Variants in GLIS3 observed in about 807,000 individuals in gnomAD.
The protein encoded by GLIS3 is GLIS family zinc finger 3, also known as zinc finger protein GLIS3.
Under a neutral mutation model 78.6 loss-of-function variants are expected in GLIS3, and 53 were observed. The ratio of observed to expected loss-of-function variants is 0.67; its 90% confidence interval spans 0.54 to 0.85. The LOEUF (loss-of-function observed/expected upper bound fraction) is 0.85. Among genes scored for constraint, GLIS3 ranks in the 40% least tolerant of loss-of-function variants. The probability of loss-of-function intolerance (pLI) is 0.00; values close to 1 mark genes in which losing one functional copy is unlikely to be tolerated. For synonymous variants in GLIS3, 684 were observed against 509.9 expected (o/e 1.34, Z -4.60); for missense variants, 1,703 against 1,231.1 (o/e 1.38, Z -5.74).
intron 2 of GLIS3, among the ~76,000 whole-genome samples, chr9:4,335,658 C>T (rs1324036253): frequency 6.6e-6 from 1 of 152,160 alleles, no homozygotes. Context: ...AACAAGGGCA[C>T]TTTCAACACG....
chr9:4,449,183 G>C, the GLIS3 span, among the ~76,000 whole-genome samples: 2 of 152,194 alleles, frequency 1.3e-5, no homozygotes, highest in Non-Finnish European at 2.9e-5. Context: ...TGCATGGCTT[G>C]GCGGATCCCA....
chr9:4,026,161 T>A (rs144768508), intron 4 of GLIS3, among the ~76,000 whole-genome samples: 48 of 152,340 alleles, frequency 3.2e-4, no homozygotes, highest in African/African-American at 8.4e-4. Flanking sequence ...TGCACAGGTA[T>A]TCAATCAAAG....
At chr9:4,170,804 T>G (rs998468937) in intron 2 of GLIS3, among the ~76,000 whole-genome samples, 2 of 152,156 alleles carry the variant, frequency 1.3e-5, no homozygotes, top group Non-Finnish European at 2.9e-5. Context: ...AGGAGGAATA[T>G]TCAAAACACT....
At chr9:4,475,876 G>A in the GLIS3 span, among the ~76,000 whole-genome samples, 2 of 152,140 alleles carry the variant, frequency 1.3e-5, no homozygotes, top group Admixed American at 6.5e-5. Context: ...GGATATTAAT[G>A]TGAGAATTCT....
the GLIS3 span, among the ~76,000 whole-genome samples, chr9:4,435,735 G>A: frequency 6.6e-6 from 1 of 152,038 alleles, no homozygotes; most frequent in Non-Finnish European, 1.5e-5. Flanking sequence ...GGATCATGAG[G>A]TCAGGAGATG....
intron 2 of GLIS3, among the ~76,000 whole-genome samples, chr9:4,258,010 A>C (rs1825146058): frequency 6.6e-6 from 1 of 152,216 alleles, no homozygotes; most frequent in Admixed American, 6.5e-5. Context: ...TAAAAAACAC[A>C]CAATTCAAAA....
Position 4,182,079 on chromosome 9 carries a change from G to A in GLIS3, c.389-56138C>T, listed in dbSNP as rs112671296. Among the ~76,000 whole-genome samples the A allele has an allele frequency of 6.9e-3, 1,057 of 152,300 alleles. 6 individuals carry two copies. The highest frequency in any genetic ancestry group is 0.02 in the Middle Eastern group (6 of 294). On this transcript the variant is annotated intron_variant, in intron 2 of 10. Coordinates refer to ENST00000381971, the MANE Select transcript of GLIS3 (RefSeq NM_001042413.2). ...TCCATTCTTTAAGTACACCTATGTT[G>A]AGCTATTACATGCCAACGAGAAGAC...
At chr9:4,151,773 C>G (rs1467144354) in intron 2 of GLIS3, among the ~76,000 whole-genome samples, 2 of 152,076 alleles carry the variant, frequency 1.3e-5, no homozygotes, top group Non-Finnish European at 2.9e-5. Context: ...GCACAGAGAC[C>G]ATGCCTGGTA....
At chr9:4,475,713 A>G in the GLIS3 span, among the ~76,000 whole-genome samples, 1 of 152,232 alleles carries the variant, frequency 6.6e-6, no homozygotes, top group African/African-American at 2.4e-5. Flanking sequence ...CAGGGCTTGT[A>G]AGCTGCCATT....
chr9:3,947,602 G>C (rs1028803583), intron 4 of GLIS3, among the ~76,000 whole-genome samples: 25 of 152,198 alleles, frequency 1.6e-4, no homozygotes, highest in Admixed American at 1.6e-3. Context: ...TTTGCCAAGA[G>C]AGAAAAGGAA....
At chr9:4,202,610 C>A (rs565574995) in intron 2 of GLIS3, among the ~76,000 whole-genome samples, 5 of 152,044 alleles carry the variant, frequency 3.3e-5, no homozygotes, top group African/African-American at 1.2e-4. Flanking sequence ...GGTGAAAGTA[C>A]AAAAACAGAC....
At chr9:3,993,628 A>G (rs894701892) in intron 4 of GLIS3, among the ~76,000 whole-genome samples, 2 of 152,206 alleles carry the variant, frequency 1.3e-5, no homozygotes, top group Non-Finnish European at 2.9e-5. Context: ...ATATGCCTAC[A>G]TATGCCATCA....
At chr9:3,917,453 A>G (rs1220634938) in intron 6 of GLIS3, among the ~76,000 whole-genome samples, 2 of 152,252 alleles carry the variant, frequency 1.3e-5, no homozygotes, top group Non-Finnish European at 2.9e-5. Context: ...TTTAGAATAT[A>G]CTGCCTACAT....
intron 6 of GLIS3, among the ~76,000 whole-genome samples, chr9:3,914,265 C>T (rs1404505058): frequency 5.9e-5 from 9 of 152,052 alleles, no homozygotes; most frequent in Non-Finnish European, 1.0e-4. Context: ...CCCATCTCAG[C>T]CTCCTGAGTA....
chr9:3,932,540 A>G, intron 5 of GLIS3, 70 bp from the exon 6 acceptor site: 1 of 1,115,988 alleles, frequency 9.0e-7, no homozygotes, highest in Non-Finnish European at 1.4e-6. Flanking sequence ...GTTTTACTCA[A>G]AGACTATTGA....
intron 2 of GLIS3, among the ~76,000 whole-genome samples, chr9:4,260,896 A>G (rs1004019873): frequency 2.0e-5 from 3 of 152,230 alleles, no homozygotes; most frequent in Non-Finnish European, 4.4e-5. Context: ...TACGGTAGCC[A>G]CTAGCATATG....
intron 2 of GLIS3, among the ~76,000 whole-genome samples, chr9:4,327,338 G>A (rs984039104): frequency 6.6e-6 from 1 of 152,168 alleles, no homozygotes; most frequent in Non-Finnish European, 1.5e-5. Flanking sequence ...CATTAGAGTA[G>A]GGGAAGAGGG....
chr9:4,149,801 G>C (rs1057337354), intron 2 of GLIS3, among the ~76,000 whole-genome samples: 2 of 152,196 alleles, frequency 1.3e-5, no homozygotes, highest in African/African-American at 4.8e-5. Context: ...ACAAAATAAT[G>C]TCTGGTAAAA....
intron 2 of GLIS3, among the ~76,000 whole-genome samples, chr9:4,246,837 T>C (rs368495267): frequency 7.5e-4 from 114 of 152,324 alleles, no homozygotes; most frequent in African/African-American, 2.5e-3. Context: ...TTGTGTTTCA[T>C]TGGTTTTTAT....
Sources: gnomAD v4.1 joint callset for allele counts (sites outside exome capture counted in the v4.1 genomes callset) on GRCh38, gnomAD v4.1.1 for gene constraint, MANE v1.5 for transcripts, NCBI Gene and HGNC (gene_info 2026-07-23, HGNC 2026-07-21) for gene names.